Variants in ARAP2 observed in about 807,000 individuals in gnomAD.
ARAP2 encodes ArfGAP with RhoGAP domain, ankyrin repeat and PH domain 2.
A neutral mutation model predicts 194.5 loss-of-function variants in ARAP2; 148 were observed. The observed-to-expected ratio is 0.76, with a 90% CI of 0.67 to 0.87. ARAP2 has a LOEUF of 0.87. ARAP2 is among the 40% of genes least tolerant of loss of function. The pLI is 0.00. For missense variants in ARAP2, 2,128 were observed against 1,989.7 expected (o/e 1.07, Z -1.32); for synonymous variants, 695 against 683.5 (o/e 1.02, Z -0.26).
chr4:36,065,217 T>A (rs1725203538), downstream of ARAP2: 1 of 377,814 alleles, frequency 2.6e-6, no homozygotes, highest in African/African-American at 2.1e-5. Flanking sequence ...AGAGTGAGCC[T>A]GCTCTTGCAG....
At chr4:36,163,396 G>T (rs1016936149) in intron 11 of ARAP2, among the ~76,000 whole-genome samples, 1 of 152,132 alleles carries the variant, frequency 6.6e-6, no homozygotes, top group Non-Finnish European at 1.5e-5. Context: ...TGACCACACC[G>T]AAACTGAGAG....
At chr4:36,175,768 A>G (rs1434904020) in intron 9 of ARAP2, among the ~76,000 whole-genome samples, 2 of 152,200 alleles carry the variant, frequency 1.3e-5, no homozygotes, top group Non-Finnish European at 2.9e-5. Flanking sequence ...ATTTTTAAGG[A>G]GAATATACTC....
At chr4:36,206,682 T>C (rs1745602458) in intron 6 of ARAP2, among the ~76,000 whole-genome samples, 1 of 152,220 alleles carries the variant, frequency 6.6e-6, no homozygotes, top group Non-Finnish European at 1.5e-5. Context: ...TTGGGTTTTA[T>C]CACTATTCAC....
chr4:36,064,187 C>CTTTTTTG (rs1724970214), downstream of ARAP2, among the ~76,000 whole-genome samples: 1 of 133,756 alleles, frequency 7.5e-6, no homozygotes, highest in Non-Finnish European at 1.5e-5. Context: ...GAGTGCTTTG[C>CTTTTTTG]TTTTTTGTTT....
intron 8 of ARAP2, among the ~76,000 whole-genome samples, chr4:36,184,581 A>G (rs1740072658): frequency 6.6e-6 from 1 of 152,228 alleles, no homozygotes; most frequent in East Asian, 1.9e-4. Context: ...GCACTTTTTA[A>G]ACATGTGTGG....
chr4:36,213,823 C>T (rs1242811785), intron 3 of ARAP2, among the ~76,000 whole-genome samples: 1 of 152,030 alleles, frequency 6.6e-6, no homozygotes, highest in Admixed American at 6.5e-5. Context: ...GCTACTAATG[C>T]ATCTGTAAAT....
At chr4:36,197,634 C>T (rs1743406149) in intron 6 of ARAP2, among the ~76,000 whole-genome samples, 1 of 152,216 alleles carries the variant, frequency 6.6e-6, no homozygotes, top group Non-Finnish European at 1.5e-5. Flanking sequence ...GCCTGGATCC[C>T]ATCACTGCCA....
chr4:36,124,449 GT>G (rs532046956), intron 22 of ARAP2, among the ~76,000 whole-genome samples: 9 of 151,720 alleles, frequency 5.9e-5, no homozygotes, highest in Non-Finnish European at 1.2e-4. Flanking sequence ...ATACAAAATT[GT>G]TTTTGATTTT....
chr4:36,100,643 A>G (rs1343994322), intron 27 of ARAP2, among the ~76,000 whole-genome samples: 1 of 152,108 alleles, frequency 6.6e-6, no homozygotes, highest in Middle Eastern at 3.2e-3. Flanking sequence ...AATTACTCAT[A>G]TATTTCATTC....
At chr4:36,048,069 C>A (rs1161551228) in intron 3 of ARAP2, among the ~76,000 whole-genome samples, 1 of 152,088 alleles carries the variant, frequency 6.6e-6, no homozygotes, top group Admixed American at 6.5e-5. Context: ...CCCTGGTAAG[C>A]ACAACATATA....
chr4:36,186,824 G>C (rs553204210), intron 8 of ARAP2, among the ~76,000 whole-genome samples: 35 of 152,378 alleles, frequency 2.3e-4, no homozygotes, highest in Non-Finnish European at 4.6e-4. Flanking sequence ...ATCAGCCCCA[G>C]ATGGGGCCAT....
chr4:36,125,012 T>C, intron 21 of ARAP2, 45 bp from the exon 22 acceptor site: 1 of 1,253,404 alleles, frequency 8.0e-7, no homozygotes, highest in African/African-American at 1.5e-5. Context: ...ACTAATTATC[T>C]ATGTTATGGA....
At chr4:36,165,420 G>A (rs1735053955) in intron 10 of ARAP2, among the ~76,000 whole-genome samples, 1 of 152,082 alleles carries the variant, frequency 6.6e-6, no homozygotes, top group Non-Finnish European at 1.5e-5. Flanking sequence ...TGTTTCCTAA[G>A]CAATGGTTAT....
intron 2 of ARAP2, among the ~76,000 whole-genome samples, chr4:36,219,858 G>T (rs995847757): frequency 6.6e-6 from 1 of 152,018 alleles, no homozygotes; most frequent in Admixed American, 6.6e-5. Flanking sequence ...GCACAAACAT[G>T]AATGTTTCTC....
chr4:36,155,334 T>A (rs1164485994), intron 15 of ARAP2, among the ~76,000 whole-genome samples: 2 of 152,118 alleles, frequency 1.3e-5, no homozygotes, highest in African/African-American at 4.8e-5. Context: ...CAGCATCCTA[T>A]GAAAGAGAAG....
intron 7 of ARAP2, among the ~76,000 whole-genome samples, chr4:36,191,356 A>G (rs1323593245): frequency 2.6e-5 from 4 of 152,140 alleles, no homozygotes; most frequent in African/African-American, 4.8e-5. Context: ...TTCCTTAAAA[A>G]ATAACCTACA....
Position 36,133,213 on chromosome 4 carries a change from C to T in ARAP2, c.3427+13G>A, listed in dbSNP as rs764592885. On this transcript the variant is annotated intron_variant, in intron 20 of 32. Coordinates refer to ENST00000303965, the MANE Select transcript of ARAP2 (RefSeq NM_015230.4). Reference sequence around the variant, plus strand: ...CAGTTCTAAGGGTTGAATAAAAACTCAGTGATACTTACCATACTGTGTAAC... The same window carrying T: ...CAGTTCTAAGGGTTGAATAAAAACTTAGTGATACTTACCATACTGTGTAAC... 3.1e-6 allele frequency: 5 copies of T among 1,609,122 alleles called. No homozygotes were observed. The South Asian group carries it at 3.3e-5, about 11-fold the overall frequency.
At chr4:36,187,392 T>C (rs1023788202) in intron 8 of ARAP2, 59 bp downstream of exon 8, 1 of 974,356 alleles carries the variant, frequency 1.0e-6, no homozygotes, top group African/African-American at 1.7e-5. Context: ...TCTAACTGGT[T>C]TATTAATATG....
At chr4:36,192,501 T>C (rs570621838) in intron 7 of ARAP2, among the ~76,000 whole-genome samples, 18 of 152,146 alleles carry the variant, frequency 1.2e-4, no homozygotes, top group Admixed American at 1.0e-3. Flanking sequence ...CCAGCAACAG[T>C]TTTATGGCAT....
Sources: allele counts gnomAD v4.1 joint callset (sites outside exome capture counted in the v4.1 genomes callset), GRCh38; gene constraint gnomAD v4.1.1; transcripts MANE v1.5; gene names NCBI Gene and HGNC (gene_info 2026-07-23, HGNC 2026-07-21).